The following TSNARE1 variants were observed in gnomAD, a reference collection of about 807,000 sequenced individuals.
TSNARE1 encodes the protein t-SNARE domain containing 1, also known as t-SNARE domain-containing protein 1.
In TSNARE1, 49 loss-of-function variants were observed where a neutral mutation model predicts 62.0. That is an observed-to-expected ratio of 0.79 (90% CI 0.63 to 1.00). The LOEUF (loss-of-function observed/expected upper bound fraction) is 1.00. Ranked by LOEUF, TSNARE1 falls within the 50% of genes least tolerant of loss-of-function variation. TSNARE1 has a pLI of 0.00. For missense variants in TSNARE1, 755 were observed against 700.1 expected, an observed-to-expected ratio of 1.08 and a Z score of -0.88; for synonymous variants, 328 against 294.4, an observed-to-expected ratio of 1.11 and a Z score of -1.17.
At chr8:142,245,642 A>G (rs1369991498) in intron 12 of TSNARE1, among the ~76,000 whole-genome samples, 1 of 152,240 alleles carries the variant, frequency 6.6e-6, no homozygotes, top group Non-Finnish European at 1.5e-5. Context: ...AGTAGTGAAT[A>G]CATCTTACCA....
chr8:142,390,479 G>T (rs373933301), intron 1 of TSNARE1, among the ~76,000 whole-genome samples: 170 of 61,756 alleles, frequency 2.8e-3, no homozygotes, highest in African/African-American at 0.017. Flanking sequence ...TGTACACTGC[G>T]GGGGACTCCG....
chr8:142,362,994 GC>G (rs1835274717), intron 1 of TSNARE1, among the ~76,000 whole-genome samples: 1 of 152,084 alleles, frequency 6.6e-6, no homozygotes, highest in South Asian at 2.1e-4. Context: ...TCGGGTCCTG[GC>G]CCCATCCTAA....
intron 1 of TSNARE1, among the ~76,000 whole-genome samples, chr8:142,400,250 G>A (rs1838189516): frequency 6.6e-6 from 1 of 151,280 alleles, no homozygotes; most frequent in South Asian, 2.1e-4. Context: ...TTTGAGTCCA[G>A]CCTAGCCAAC....
At chr8:142,269,187 G>C (rs924300955) in intron 12 of TSNARE1, among the ~76,000 whole-genome samples, 1 of 152,210 alleles carries the variant, frequency 6.6e-6, no homozygotes, top group Non-Finnish European at 1.5e-5. Context: ...AGCTTAGTGT[G>C]TAACTAGGAT....
intron 12 of TSNARE1, among the ~76,000 whole-genome samples, chr8:142,250,891 C>G (rs952199219): frequency 6.6e-6 from 1 of 152,218 alleles, no homozygotes; most frequent in Non-Finnish European, 1.5e-5. Context: ...CTGCCTGTGC[C>G]TCTCGGAGAG....
intron 10 of TSNARE1, 73 bp downstream of exon 10, chr8:142,300,413 C>CT: frequency 1.3e-6 from 2 of 1,506,284 alleles, no homozygotes; most frequent in Non-Finnish European, 1.8e-6. Flanking sequence ...AGCAGGCTGG[C>CT]ACCTGGGCTC....
intron 12 of TSNARE1, chr8:142,273,074 G>A (rs1020290257): frequency 1.7e-5 from 17 of 985,112 alleles, no homozygotes; most frequent in Middle Eastern, 5.2e-4. Context: ...GCAGTGTGTC[G>A]GGGGGGCGGT....
At chr8:142,280,882 G>T (rs1025050956) in intron 11 of TSNARE1, among the ~76,000 whole-genome samples, 1 of 152,126 alleles carries the variant, frequency 6.6e-6, no homozygotes, top group Non-Finnish European at 1.5e-5. Context: ...CCTGTATGGG[G>T]CCACAGAGCA....
At chr8:142,226,454 G>T (rs1816778183) in intron 13 of TSNARE1, among the ~76,000 whole-genome samples, 1 of 152,178 alleles carries the variant, frequency 6.6e-6, no homozygotes, top group African/African-American at 2.4e-5. Context: ...GCTTGCGTCT[G>T]CCCCTATTGC....
At chr8:142,294,916 G>A (rs1408147293) in intron 10 of TSNARE1, among the ~76,000 whole-genome samples, 1 of 152,196 alleles carries the variant, frequency 6.6e-6, no homozygotes, top group Non-Finnish European at 1.5e-5. Flanking sequence ...TCCAGACAGA[G>A]CCACTGGCCA....
At chr8:142,344,947 G>A (rs1003503276) in intron 3 of TSNARE1, among the ~76,000 whole-genome samples, 8 of 152,186 alleles carry the variant, frequency 5.3e-5, no homozygotes, top group Admixed American at 4.6e-4. Flanking sequence ...CACAGGCCTC[G>A]GCTTCCCTCC....
In TSNARE1 at chr8:142,348,915, C is replaced by T. The variant is rs151303607; in HGVS notation, c.89-3023G>A. ...GACACGACGGCCCTAAGGTGCTGCACAGTTAGGGTGGCAGGACTTTGGCAC... is the reference window on the plus strand; with the variant it reads ...GACACGACGGCCCTAAGGTGCTGCATAGTTAGGGTGGCAGGACTTTGGCAC... On this transcript the variant is annotated intron_variant, in intron 2 of 13. Transcript: ENST00000524325. Among the ~76,000 whole-genome samples, 914 of 152,264 alleles carry T rather than the reference C, an allele frequency of 6.0e-3. 8 individuals are homozygous for T. Among genetic ancestry groups the T allele is most frequent in the African/African-American group, 0.021 (857 of 41,548 alleles).
intron 11 of TSNARE1, chr8:142,278,452 T>C (rs1197218490): frequency 5.1e-6 from 5 of 985,446 alleles, no homozygotes; most frequent in Middle Eastern, 5.2e-4. Context: ...CCCAAAGTCC[T>C]TCCAGCAGCT....
chr8:142,325,570 AG>A (rs1234955568), intron 6 of TSNARE1, among the ~76,000 whole-genome samples: 1 of 152,156 alleles, frequency 6.6e-6, no homozygotes, highest in Non-Finnish European at 1.5e-5. Context: ...CGGTGAGGGC[AG>A]GGTGGCGTGG....
At chr8:142,339,782 CG>C (rs1186963193) in intron 4 of TSNARE1, among the ~76,000 whole-genome samples, 20 of 152,354 alleles carry the variant, frequency 1.3e-4, no homozygotes, top group African/African-American at 4.8e-4. Context: ...AGACAAGGCT[CG>C]CTCCCCACAC....
intron 1 of TSNARE1, among the ~76,000 whole-genome samples, chr8:142,361,015 C>G (rs1182637683): frequency 6.6e-6 from 1 of 152,142 alleles, no homozygotes; most frequent in Admixed American, 6.5e-5. Flanking sequence ...TTCCCCGGGC[C>G]GGGGCTTCCA....
intron 12 of TSNARE1, chr8:142,247,926 AT>A (rs1817972102): frequency 6.6e-6 from 1 of 152,302 alleles, no homozygotes; most frequent in South Asian, 2.1e-4. Flanking sequence ...ACGAGCTCGC[AT>A]GGGGGATACT....
At chr8:142,255,751 A>C (rs1818447073) in intron 12 of TSNARE1, among the ~76,000 whole-genome samples, 1 of 92,656 alleles carries the variant, frequency 1.1e-5, no homozygotes, top group Non-Finnish European at 2.6e-5. Flanking sequence ...TGTCACCATC[A>C]CCACCACCAT....
chr8:142,361,235 C>T (rs1198845518), intron 1 of TSNARE1, among the ~76,000 whole-genome samples: 1 of 152,262 alleles, frequency 6.6e-6, no homozygotes, highest in Non-Finnish European at 1.5e-5. Context: ...GGCCTGCTCT[C>T]GGAGACTCTG....
Sources: gnomAD v4.1 joint callset for allele counts (sites outside exome capture counted in the v4.1 genomes callset) on GRCh38, gnomAD v4.1.1 for gene constraint, MANE v1.5 for transcripts, NCBI Gene and HGNC (gene_info 2026-07-23, HGNC 2026-07-21) for gene names.